Variants in VIT observed in about 807,000 individuals in gnomAD.
The protein encoded by VIT is vitrin.
Under a neutral mutation model 78.0 loss-of-function variants are expected in VIT, and 99 were observed. The observed-to-expected ratio is 1.27, with a 90% CI of 1.08 to 1.50. VIT has a LOEUF of 1.50. Among genes scored for constraint, VIT ranks in the 40% most tolerant of loss-of-function variants. The pLI, the probability that VIT is intolerant of heterozygous loss-of-function variation, is 0.00. For synonymous variants in VIT, 374 were observed against 334.3 expected (o/e 1.12, Z -1.29); for missense variants, 1,126 against 875.3 (o/e 1.29, Z -3.61).
chr2:36,814,488 T>G lies in VIT; in HGVS notation c.*127T>G. On this transcript the variant is annotated 3_prime_UTR_variant, in exon 16 of 16. Coordinates refer to ENST00000379242, the MANE Select transcript of VIT (RefSeq NM_053276.4). Reference sequence around the variant, plus strand: ...AGGGCATGGAGAAACAAATGTCTTGTTATTATTCTTTGCCATCATGCTTTT... The same window carrying G: ...AGGGCATGGAGAAACAAATGTCTTGGTATTATTCTTTGCCATCATGCTTTT... 2 of 1,145,532 alleles carry G rather than the reference T, an allele frequency of 1.7e-6. No individual in the cohort carries two copies. The highest frequency in any genetic ancestry group is 2.4e-6 in the Non-Finnish European group (2 of 839,142). 71.0% of individuals were successfully genotyped at this position (1,145,532 alleles called of 1,614,324 possible). A position where few individuals can be genotyped will look rare whatever the true frequency, so the allele number is the denominator to read the frequency against.
chr2:36,753,441 T>A (rs1407390955), intron 4 of VIT, among the ~76,000 whole-genome samples: 2 of 152,186 alleles, frequency 1.3e-5, no homozygotes, highest in South Asian at 2.1e-4. Flanking sequence ...AAACATAAAA[T>A]GCTATCCTTT....
intron 3 of VIT, among the ~76,000 whole-genome samples, chr2:36,732,371 GA>G (rs1444889940): frequency 6.6e-6 from 1 of 152,172 alleles, no homozygotes; most frequent in Non-Finnish European, 1.5e-5. Flanking sequence ...GTAAATGCAT[GA>G]GGTCTTTTCT....
chr2:36,736,672 G>T (rs1667527558), intron 3 of VIT, among the ~76,000 whole-genome samples: 1 of 152,148 alleles, frequency 6.6e-6, no homozygotes, highest in Non-Finnish European at 1.5e-5. Context: ...CATCAATCTT[G>T]TATAAGATGA....
At chr2:36,771,814 A>G (rs1380470365) in intron 7 of VIT, among the ~76,000 whole-genome samples, 1 of 152,200 alleles carries the variant, frequency 6.6e-6, no homozygotes, top group East Asian at 1.9e-4. Context: ...AAGTTACTAT[A>G]CAGGTAGTAA....
chr2:36,805,309 A>C (rs1382862243), intron 13 of VIT, 129 bp from the exon 14 acceptor site: 3 of 389,946 alleles, frequency 7.7e-6, no homozygotes, highest in Non-Finnish European at 9.8e-6. Flanking sequence ...GTCTCAAAGG[A>C]AAAAAAAAAA....
At position 36,808,699 on chromosome 2, in the gene VIT, G is replaced by T; in HGVS notation, c.1617G>T (p.Glu539Asp). The T allele has an allele frequency of 1.2e-6, 2 of 1,614,220 alleles. No individual in the cohort carries two copies. The highest frequency in any genetic ancestry group is 1.7e-6 in the Non-Finnish European group (2 of 1,180,034). Residue 539 changes from glutamate to aspartate, a missense_variant, in exon 15 of 16, where the codon GAG (glutamate) becomes GAT (aspartate). Physicochemically the swap from Glu to Asp is conservative, Grantham distance 45. Transcript: ENST00000379242. ...AGTTTGTGACCAACCTCACCAAAGAGTTTGAGATTTCCGACACGGACACGC... is the reference window on the plus strand; with the variant it reads ...AGTTTGTGACCAACCTCACCAAAGATTTTGAGATTTCCGACACGGACACGC... ...VLQFVTNLTK[E>D]FEISDTDTRI...
rs186830249 is a variant in VIT, at chr2:36,775,082, G to T, written c.802+15G>T. On this transcript the variant is annotated intron_variant, in intron 9 of 15. Transcript: ENST00000379242. ...TGTCAGCCTGGGTAAGCTGCCCACTGCTTACCATCTCTGCTCCCTAGGAAT... is the reference window on the plus strand; with the variant it reads ...TGTCAGCCTGGGTAAGCTGCCCACTTCTTACCATCTCTGCTCCCTAGGAAT... 1.2e-6 allele frequency: 2 copies of T among 1,613,336 alleles called. No individual in the cohort carries two copies. Among genetic ancestry groups the T allele is most frequent in the East Asian group, 2.2e-5 (1 of 44,880 alleles).
intron 2 of VIT, among the ~76,000 whole-genome samples, chr2:36,718,478 A>G (rs1339724120): frequency 2.0e-5 from 3 of 152,108 alleles, no homozygotes; most frequent in Non-Finnish European, 2.9e-5. Context: ...TGAGCTATTA[A>G]TCACCCAACC....
chr2:36,809,028 C>A lies in VIT; in HGVS notation c.1903+43C>A. 2.0e-6 allele frequency: 3 copies of A among 1,525,584 alleles called. No individual in the cohort carries two copies. The South Asian group carries it at 3.9e-5, about 20-fold the overall frequency. The allele number at this position is 1,525,584 out of a possible 1,614,324, so 94.5% of individuals were successfully genotyped here. ...AGCAGCCTGGTGCTGAGGCTGCTTT[C>A]TGGGGCTTGGTGGGCCAGTGGGACA... On this transcript the variant is annotated intron_variant, in intron 15 of 15. Transcript: ENST00000379242.
intron 2 of VIT, among the ~76,000 whole-genome samples, chr2:36,717,856 G>A (rs1318288184): frequency 6.6e-6 from 1 of 152,170 alleles, no homozygotes; most frequent in Non-Finnish European, 1.5e-5. Context: ...CCACCCTCTG[G>A]AGACTAGAAG....
At position 36,783,269 on chromosome 2, in the gene VIT, C is replaced by A. The variant is rs569955817; in HGVS notation, c.848-71C>A. 4 of 1,505,756 alleles carry A rather than the reference C, an allele frequency of 2.7e-6. 1 individual carries two copies. The Admixed American group carries it at 6.8e-5, about 26-fold the overall frequency. The allele number at this position is 1,505,756 out of a possible 1,614,324, so 93.3% of individuals were successfully genotyped here. On this transcript the variant is annotated intron_variant, in intron 10 of 15. Coordinates refer to ENST00000379242, the MANE Select transcript of VIT (RefSeq NM_053276.4). ...AGCTGGGTGTGAATATCCATTATGT[C>A]CCCTCCCATGGGGTAAGGCCAGCTG...
chr2:36,700,821 A>G (rs1030024624), intron 1 of VIT, among the ~76,000 whole-genome samples: 3 of 152,104 alleles, frequency 2.0e-5, no homozygotes, highest in African/African-American at 7.2e-5. Flanking sequence ...CCCTTTTCAT[A>G]TATCAATTCA....
intron 6 of VIT, chr2:36,759,817 T>C: frequency 2.7e-6 from 1 of 371,200 alleles, no homozygotes; most frequent in Non-Finnish European, 3.7e-6. Flanking sequence ...GAGCATTTGC[T>C]GTATGCCAGG....
intron 12 of VIT, 120 bp downstream of exon 12, chr2:36,787,396 C>T: frequency 7.6e-7 from 1 of 1,323,060 alleles, no homozygotes; most frequent in Non-Finnish European, 1.0e-6. Flanking sequence ...CAGATTTGTT[C>T]TCTTCCCTAA....
chr2:36,771,433 G>A (rs904173031), intron 7 of VIT, among the ~76,000 whole-genome samples: 6 of 151,866 alleles, frequency 4.0e-5, no homozygotes, highest in African/African-American at 1.2e-4. Flanking sequence ...GGCTGAGCCA[G>A]GAGAATCGCT....
chr2:36,767,449 A>T (rs2148586376), intron 7 of VIT, among the ~76,000 whole-genome samples, 164 bp downstream of exon 7: 1 of 152,294 alleles, frequency 6.6e-6, no homozygotes, highest in South Asian at 2.1e-4. Flanking sequence ...TCAAGGGAGG[A>T]TGTAGATTCA....
rs1450193434 is a variant in VIT at position 36,783,279 on chromosome 2, G to A, written c.848-61G>A. 2.5e-6 allele frequency: 4 copies of A among 1,574,976 alleles called. No individual in the cohort carries two copies. The Admixed American group carries it at 6.7e-5, about 26-fold the overall frequency. On this transcript the variant is annotated intron_variant, in intron 10 of 15. Transcript: ENST00000379242. ...GAATATCCATTATGTCCCCTCCCAT[G>A]GGGTAAGGCCAGCTGCTTCCTTTCC... is the stretch of plus-strand genomic sequence containing the variant.
At chr2:36,784,933 G>T (rs1167421399) in intron 11 of VIT, among the ~76,000 whole-genome samples, 1 of 152,210 alleles carries the variant, frequency 6.6e-6, no homozygotes, top group East Asian at 1.9e-4. Context: ...CAGCCATCAG[G>T]CCAGTGAGTA....
At chr2:36,719,406 T>A (rs966936076) in intron 2 of VIT, among the ~76,000 whole-genome samples, 4 of 152,176 alleles carry the variant, frequency 2.6e-5, no homozygotes, top group Admixed American at 2.6e-4. Flanking sequence ...CCTCTGCAGA[T>A]AACATGATAT....
Sources: gnomAD v4.1 joint callset for allele counts (sites outside exome capture counted in the v4.1 genomes callset) on GRCh38, gnomAD v4.1.1 for gene constraint, MANE v1.5 for transcripts, NCBI Gene and HGNC (gene_info 2026-07-23, HGNC 2026-07-21) for gene names.